UMAD1: variants seen among roughly 807,000 people sequenced by gnomAD.
UMAD1 encodes the protein UBAP1-MVB12-associated (UMA)-domain containing protein 1.
In UMAD1, 8 loss-of-function variants were observed where a neutral mutation model predicts 6.1. The observed-to-expected ratio is 1.30, with a 90% CI of 0.76 to 2.35. UMAD1 has a LOEUF of 2.35. UMAD1 is among the 30% of genes most tolerant of loss of function. The pLI, the probability that UMAD1 is intolerant of heterozygous loss-of-function variation, is 0.00. For synonymous variants in UMAD1, 56 were observed against 31.4 expected (o/e 1.78, Z -2.61); for missense variants, 130 against 78.4 (o/e 1.66, Z -2.49).
chr7:7,748,205 A>G (rs148046407), intron 2 of UMAD1, among the ~76,000 whole-genome samples: 7,475 of 151,726 alleles, frequency 0.049, 238 homozygotes, highest in South Asian at 0.077. Context: ...CGGCCTCCCA[A>G]AGTCCTGGGA....
chr7:7,810,009 T>C (rs553471819), intron 3 of UMAD1, among the ~76,000 whole-genome samples: 7 of 151,942 alleles, frequency 4.6e-5, no homozygotes, highest in Non-Finnish European at 7.4e-5. Flanking sequence ...TAGAAAGGAA[T>C]TGGGGACTCA....
chr7:7,797,644 T>C (rs943042760), intron 2 of UMAD1, among the ~76,000 whole-genome samples: 2 of 152,170 alleles, frequency 1.3e-5, no homozygotes, highest in African/African-American at 4.8e-5. Context: ...GATACTCTAA[T>C]GACCATTCCT....
At chr7:7,862,720 C>G (rs1784137151) in intron 3 of UMAD1, among the ~76,000 whole-genome samples, 1 of 152,156 alleles carries the variant, frequency 6.6e-6, no homozygotes, top group South Asian at 2.1e-4. Flanking sequence ...AGTTTAAACT[C>G]AGTTTCTATA....
chr7:7,785,357 C>T (rs999931677), intron 2 of UMAD1, among the ~76,000 whole-genome samples: 2 of 152,134 alleles, frequency 1.3e-5, no homozygotes, highest in Admixed American at 6.5e-5. Context: ...CAGAGTAGCA[C>T]ACCTGAACGG....
chr7:7,777,569 G>A (rs1193511521), intron 2 of UMAD1, among the ~76,000 whole-genome samples: 1 of 81,508 alleles, frequency 1.2e-5, no homozygotes, highest in African/African-American at 5.9e-5. Context: ...TTTCATACAT[G>A]AGCAAATATA....
At chr7:7,731,076 G>A (rs1781240563) in intron 2 of UMAD1, among the ~76,000 whole-genome samples, 1 of 152,172 alleles carries the variant, frequency 6.6e-6, no homozygotes, top group African/African-American at 2.4e-5. Flanking sequence ...TCGGCTCATT[G>A]CAACCTCCGC....
chr7:7,665,875 T>C (rs1779441199), intron 1 of UMAD1, among the ~76,000 whole-genome samples: 1 of 152,152 alleles, frequency 6.6e-6, no homozygotes, highest in African/African-American at 2.4e-5. Flanking sequence ...CACTATTTTG[T>C]TTCCCTTTTA....
chr7:7,712,309 T>A (rs1444388167), intron 2 of UMAD1, among the ~76,000 whole-genome samples: 1 of 152,126 alleles, frequency 6.6e-6, no homozygotes, highest in Non-Finnish European at 1.5e-5. Context: ...TAGGGGAGAA[T>A]TGCTATATTT....
rs79287966 is a variant in UMAD1 at position 7,851,517 on chromosome 7, C to A, written c.157-25764C>A. On this transcript the variant is annotated intron_variant, in intron 3 of 3. Coordinates refer to ENST00000682710, the MANE Select transcript of UMAD1 (RefSeq NM_001302348.2). ...AGTAGCTGCACCATTTGCACTCCCACCAGAAGTGTGGGAGTGTTCCAGTTT... is the reference window on the plus strand; with the variant it reads ...AGTAGCTGCACCATTTGCACTCCCAACAGAAGTGTGGGAGTGTTCCAGTTT... Among the ~76,000 whole-genome samples the A allele has an allele frequency of 1.3e-4, 20 of 152,270 alleles. 1 individual carries two copies. The East Asian group carries it at 3.9e-3, about 29-fold the overall frequency.
intron 3 of UMAD1, among the ~76,000 whole-genome samples, chr7:7,811,403 G>T (rs1783019131): frequency 6.6e-6 from 1 of 152,154 alleles, no homozygotes; most frequent in South Asian, 2.1e-4. Context: ...TTGGTAAGAA[G>T]ATTTTGTAGA....
chr7:7,660,130 G>GT (rs966788068), intron 1 of UMAD1, among the ~76,000 whole-genome samples: 47 of 151,962 alleles, frequency 3.1e-4, no homozygotes, highest in Non-Finnish European at 6.3e-4. Flanking sequence ...AAACCCTGCT[G>GT]TTTTTTGCTT....
intron 2 of UMAD1, among the ~76,000 whole-genome samples, chr7:7,719,611 G>A (rs891033855): frequency 2.6e-5 from 4 of 152,070 alleles, no homozygotes; most frequent in Admixed American, 6.6e-5. Flanking sequence ...TTTTCAGAGA[G>A]TTGAGCTATA....
chr7:7,752,022 C>T (rs995046894), intron 2 of UMAD1, among the ~76,000 whole-genome samples: 1 of 152,092 alleles, frequency 6.6e-6, no homozygotes, highest in South Asian at 2.1e-4. Context: ...TGAAACATTT[C>T]AATAAGACAA....
intron 2 of UMAD1, among the ~76,000 whole-genome samples, chr7:7,742,736 T>A (rs953907839): frequency 6.6e-6 from 1 of 152,244 alleles, no homozygotes; most frequent in African/African-American, 2.4e-5. Flanking sequence ...TAAAATCAGC[T>A]TGATTGATGA....
intron 2 of UMAD1, among the ~76,000 whole-genome samples, chr7:7,685,026 A>C (rs28915969): frequency 6.6e-6 from 1 of 152,204 alleles, no homozygotes; most frequent in Non-Finnish European, 1.5e-5. Flanking sequence ...TAACTCAAAA[A>C]TTATGATGAG....
chr7:7,719,071 TA>T (rs57805142), intron 2 of UMAD1, among the ~76,000 whole-genome samples: 3,405 of 143,420 alleles, frequency 0.024, 125 homozygotes, highest in African/African-American at 0.084. Flanking sequence ...TTTATTGTGT[TA>T]AAAAAAGCTT....
rs568498676 is a variant in UMAD1 at position 7,801,813 on chromosome 7, G to A, written c.156+70G>A. ...CACTATGATTACTTATGCCTCCGAG[G>A]ATAAATAGTAACTTCTGCTCTTGCT... On this transcript the variant is annotated intron_variant, in intron 3 of 3. Transcript: ENST00000682710. 1.2e-3 allele frequency: 829 copies of A among 703,812 alleles called. 12 individuals are homozygous for A. The South Asian group carries it at 0.012, about 10-fold the overall frequency. The allele number at this position is 703,812 out of a possible 1,614,324, so 43.6% of individuals were successfully genotyped here.
chr7:7,663,885 C>A (rs1033708810), intron 1 of UMAD1, among the ~76,000 whole-genome samples: 3 of 152,124 alleles, frequency 2.0e-5, no homozygotes, highest in African/African-American at 7.2e-5. Context: ...CTAGTCAAAA[C>A]AAGCAAAGGT....
At chr7:7,789,664 G>C (rs62434079) in intron 2 of UMAD1, among the ~76,000 whole-genome samples, 12,917 of 148,034 alleles carry the variant, frequency 0.087, 660 homozygotes, top group South Asian at 0.12. Flanking sequence ...TTTTCTGTCT[G>C]TATGAATGTG....
Sources: allele counts gnomAD v4.1 joint callset (sites outside exome capture counted in the v4.1 genomes callset), GRCh38; gene constraint gnomAD v4.1.1; transcripts MANE v1.5; gene names NCBI Gene and HGNC (gene_info 2026-07-23, HGNC 2026-07-21).